The following HSPA12A variants were observed in gnomAD, a reference collection of about 807,000 sequenced individuals.
HSPA12A encodes the protein heat shock protein family A (Hsp70) member 12A, also known as heat shock 70 kDa protein 12A.
In HSPA12A, 28 loss-of-function variants were observed where a neutral mutation model predicts 69.2. The ratio of observed to expected loss-of-function variants is 0.40; its 90% CI spans 0.30 to 0.55. HSPA12A has a LOEUF of 0.55. Ranked by LOEUF, HSPA12A falls within the 20% of genes least tolerant of loss-of-function variation. The pLI, the probability that HSPA12A is intolerant of heterozygous loss-of-function variation, is 0.38. For missense variants in HSPA12A, 686 were observed against 900.7 expected (o/e 0.76, Z 3.05); for synonymous variants, 345 against 370.5 (o/e 0.93, Z 0.79).
chr10:116,732,328 C>CAAACAAACAAACAAAGAAAG (rs1554885908), intron 1 of HSPA12A, among the ~76,000 whole-genome samples: 1 of 124,074 alleles, frequency 8.1e-6, no homozygotes, highest in Non-Finnish European at 1.8e-5. Context: ...TCAAAAAAAA[C>CAAACAAACAAACAAAGAAAG]AAAGAAAGAA....
intron 1 of HSPA12A, chr10:116,849,558 TC>T: frequency 6.5e-7 from 1 of 1,529,024 alleles, no homozygotes; most frequent in Non-Finnish European, 8.8e-7. Flanking sequence ...TAGCCTTAAA[TC>T]TCCTACCATG....
intron 1 of HSPA12A, among the ~76,000 whole-genome samples, chr10:116,837,926 C>G (rs1845744392): frequency 6.6e-6 from 1 of 151,906 alleles, no homozygotes; most frequent in Admixed American, 6.6e-5. Context: ...TCTATTTGCT[C>G]ATACTGACAG....
chr10:116,825,237 T>C (rs1845481896), intron 2 of HSPA12A, among the ~76,000 whole-genome samples: 1 of 149,240 alleles, frequency 6.7e-6, no homozygotes. Context: ...TGGCCGGGCG[T>C]GGTGGCTTAT....
rs782537687 is a variant in HSPA12A, at chr10:116,675,398, C to G, written c.1411G>C (p.Glu471Gln). The change falls in exon 12 of 12, where the codon GAG (glutamate) becomes CAG (glutamine). Residue 471 changes from glutamate (E) to glutamine (Q), a missense_variant. Transcript: ENST00000369209. This position sits in a 1 kb window ranked among gnomAD's most constrained non-coding sequence, Gnocchi z 5.2. ...EHLRDLFQKP[E>Q]VSTVKFLFLV... Reference sequence around the variant, plus strand: ...AAGAGGAACTTGACGGTGGACACCTCGGGCTTCTGAAACAGGTCCCCTGGA... The same window carrying G: ...AAGAGGAACTTGACGGTGGACACCTGGGGCTTCTGAAACAGGTCCCCTGGA... The G allele has an allele frequency of 6.3e-6, 10 of 1,598,210 alleles. No homozygotes were observed. The highest frequency in any genetic ancestry group is 8.5e-6 in the Non-Finnish European group (10 of 1,172,594).
chr10:116,823,456 G>C (rs561321641), intron 2 of HSPA12A, among the ~76,000 whole-genome samples: 5 of 152,264 alleles, frequency 3.3e-5, no homozygotes, highest in African/African-American at 1.2e-4. Context: ...TTTTGAAAAA[G>C]AAGAACAAAG....
intron 2 of HSPA12A, among the ~76,000 whole-genome samples, chr10:116,788,805 A>G (rs1844636090): frequency 6.6e-6 from 1 of 152,096 alleles, no homozygotes; most frequent in Non-Finnish European, 1.5e-5. Context: ...GAAACTATCT[A>G]TTAATAGCAA....
intron 2 of HSPA12A, among the ~76,000 whole-genome samples, chr10:116,788,132 T>C (rs532646336): frequency 1.3e-5 from 2 of 152,060 alleles, no homozygotes; most frequent in African/African-American, 4.8e-5. Flanking sequence ...CCAACGCGCG[T>C]ACATCCTGTC....
chr10:116,813,871 G>C (rs771331811), intron 2 of HSPA12A, among the ~76,000 whole-genome samples: 1 of 152,118 alleles, frequency 6.6e-6, no homozygotes, highest in Non-Finnish European at 1.5e-5. Flanking sequence ...GCAACAAAGT[G>C]AGAGGGACCT....
At chr10:116,767,361 C>A (rs1194911052) in intron 2 of HSPA12A, among the ~76,000 whole-genome samples, 1 of 152,166 alleles carries the variant, frequency 6.6e-6, no homozygotes, top group Non-Finnish European at 1.5e-5. Context: ...TGCACCCCTC[C>A]CCCACCAGTG....
At chr10:116,724,462 C>G (rs910800600) in intron 1 of HSPA12A, among the ~76,000 whole-genome samples, 2 of 152,124 alleles carry the variant, frequency 1.3e-5, no homozygotes, top group East Asian at 3.9e-4. Flanking sequence ...TCCATCTCCT[C>G]TTCTAAAAGA....
chr10:116,712,977 A>AATATATATAT (rs56007651), intron 1 of HSPA12A, among the ~76,000 whole-genome samples: 1,496 of 80,620 alleles, frequency 0.019, 36 homozygotes, highest in Admixed American at 0.025. Flanking sequence ...TAAAAAATGC[A>AATATATATAT]ATATATATAT....
intron 2 of HSPA12A, among the ~76,000 whole-genome samples, chr10:116,789,103 T>A (rs1844644501): frequency 6.6e-6 from 1 of 152,150 alleles, no homozygotes; most frequent in Admixed American, 6.5e-5. Flanking sequence ...TGACTTCAGG[T>A]GATCCACCCA....
chr10:116,796,340 T>C (rs1404545939), intron 2 of HSPA12A, among the ~76,000 whole-genome samples: 6 of 150,592 alleles, frequency 4.0e-5, no homozygotes, highest in Admixed American at 2.6e-4. Context: ...ACTCCAAAAA[T>C]GAACTCTAGA....
intron 1 of HSPA12A, among the ~76,000 whole-genome samples, chr10:116,728,870 G>A (rs1402176289): frequency 1.3e-5 from 2 of 152,182 alleles, no homozygotes; most frequent in African/African-American, 2.4e-5. Flanking sequence ...CTGTGACCAG[G>A]GGCAGGTGCG....
chr10:116,828,486 C>T (rs145190063), intron 2 of HSPA12A, among the ~76,000 whole-genome samples: 59 of 152,340 alleles, frequency 3.9e-4, no homozygotes, highest in Admixed American at 1.8e-3. Context: ...GCTTCCTGCA[C>T]TGTCCTGGGT....
chr10:116,714,097 G>A (rs1265258822), intron 1 of HSPA12A, among the ~76,000 whole-genome samples: 6 of 151,636 alleles, frequency 4.0e-5, no homozygotes, highest in East Asian at 3.9e-4. Flanking sequence ...ATGGATGGAC[G>A]GATGGATGGG....
chr10:116,676,380 G>C lies in HSPA12A; in HGVS notation c.1390+19C>G. On this transcript the variant is annotated intron_variant, in intron 11 of 11. Transcript: ENST00000369209. Reference sequence around the variant, plus strand: ...CTCAGCTCTGCCTCGCCGAGTGGCCGAGCCTGGCTGATACTTACGGAGATG... The same window carrying C: ...CTCAGCTCTGCCTCGCCGAGTGGCCCAGCCTGGCTGATACTTACGGAGATG... 2 of 1,599,372 alleles carry C rather than the reference G, an allele frequency of 1.3e-6. No homozygotes were observed. The highest frequency in any genetic ancestry group is 1.7e-6 in the Non-Finnish European group (2 of 1,167,680).
Position 116,673,846 on chromosome 10 carries a change from G to A in HSPA12A, c.*935C>T, listed in dbSNP as rs1467827641. On this transcript the variant is annotated 3_prime_UTR_variant, in exon 12 of 12. Transcript: ENST00000369209. Reference sequence around the variant, plus strand: ...GGGAGATGAAGGTGAGTGGGAAGGAGGGGGTTAATTTAAAATCTGTCTGCT... The same window carrying A: ...GGGAGATGAAGGTGAGTGGGAAGGAAGGGGTTAATTTAAAATCTGTCTGCT... 3 of 152,160 alleles carry A rather than the reference G, an allele frequency of 2.0e-5. No homozygotes were observed. Among genetic ancestry groups the A allele is most frequent in the Non-Finnish European group, 4.4e-5 (3 of 68,028 alleles). The allele number at this position is 152,160 out of a possible 1,614,324, so 9.4% of individuals were successfully genotyped here. A position where few individuals can be genotyped will look rare whatever the true frequency, so the allele number is the denominator to read the frequency against.
chr10:116,702,134 G>GAC (rs1850094461), intron 3 of HSPA12A, among the ~76,000 whole-genome samples: 1 of 151,914 alleles, frequency 6.6e-6, no homozygotes, highest in South Asian at 2.1e-4. Context: ...GAGAGAGAGA[G>GAC]AGAGAGAGAG....
Sources: allele counts gnomAD v4.1 joint callset (sites outside exome capture counted in the v4.1 genomes callset), GRCh38; gene constraint gnomAD v4.1.1; non-coding constraint Gnocchi (gnomAD v3.1); transcripts MANE v1.5; gene names NCBI Gene and HGNC (gene_info 2026-07-23, HGNC 2026-07-21).